Variants in ZC3H7A observed in about 807,000 individuals in gnomAD.
ZC3H7A encodes the protein zinc finger CCCH domain-containing protein 7A.
Under a neutral mutation model 125.5 loss-of-function variants are expected in ZC3H7A, and 44 were observed. That is an observed-to-expected ratio of 0.35 (90% CI 0.28 to 0.45). The LOEUF is 0.45. Ranked by LOEUF, ZC3H7A falls within the 20% of genes least tolerant of loss-of-function variation. The pLI, the probability that ZC3H7A is intolerant of heterozygous loss-of-function variation, is 1.00. For synonymous variants in ZC3H7A, 399 were observed against 391.2 expected, an observed-to-expected ratio of 1.02 and a Z score of -0.23; for missense variants, 977 against 1,170.7, an observed-to-expected ratio of 0.83 and a Z score of 2.41.
chr16:11,769,005 T>C (rs1333607543), intron 11 of ZC3H7A, 26 bp downstream of exon 11: 4 of 1,586,462 alleles, frequency 2.5e-6, no homozygotes, highest in South Asian at 1.2e-5. Flanking sequence ...AAGCGATGTA[T>C]TTACAAAAGA....
chr16:11,767,938 T>C (rs1330333910), intron 12 of ZC3H7A, among the ~76,000 whole-genome samples: 1 of 152,232 alleles, frequency 6.6e-6, no homozygotes, highest in Non-Finnish European at 1.5e-5. Context: ...TATTTAATTT[T>C]CATATACATT....
Position 11,776,806 on chromosome 16 carries a change from C to G in ZC3H7A, c.410G>C (p.Gly137Ala), listed in dbSNP as rs2053087971. ...AGCATCGTAAGCCTTTTTGTATCTT[C>G]CTAAATCACTTAAAGCCTTAGATTT... ...YRKSKALSDLGRYKKAYDAVA... is the reference protein window; with the variant it reads ...YRKSKALSDLARYKKAYDAVA... The change falls in exon 5 of 23, where the codon GGA (glycine) becomes GCA (alanine). Residue 137 changes from glycine (G) to alanine (A), a missense_variant. Coordinates refer to ENST00000355758, the MANE Select transcript of ZC3H7A (RefSeq NM_014153.4). 1 of 1,613,776 alleles carries G rather than the reference C, an allele frequency of 6.2e-7. No individual in the cohort carries two copies. The highest frequency in any genetic ancestry group is 8.5e-7 in the Non-Finnish European group (1 of 1,179,904).
intron 9 of ZC3H7A, among the ~76,000 whole-genome samples, chr16:11,772,510 TATG>T (rs1424967756): frequency 6.6e-6 from 1 of 151,780 alleles, no homozygotes; most frequent in Non-Finnish European, 1.5e-5. Context: ...AATGATGCAC[TATG>T]ATGAAGTAAC....
In ZC3H7A at chr16:11,763,562, G is replaced by A. The variant is rs1465936491; in HGVS notation, c.1918C>T (p.Arg640Trp). The change falls in exon 16 of 23, where the codon CGG becomes TGG. Residue 640 changes from arginine (R) to tryptophan (W), a missense_variant. Transcript: ENST00000355758. ...TCATCTTCCCTTAAACAGCCATACC[G>A]AACTTCATGTCGACATAAATCAAGC... ...CQLDLCRHEVRYGCLREDECF... is the reference protein window; with the variant it reads ...CQLDLCRHEVWYGCLREDECF... 2.5e-6 allele frequency: 4 copies of A among 1,611,500 alleles called. No homozygotes were observed. The highest frequency in any genetic ancestry group is 2.2e-5 in the East Asian group (1 of 44,774).
In ZC3H7A at chr16:11,765,033, A is replaced by G. The variant is rs933089382; in HGVS notation, c.1820+20T>C. The G allele has an allele frequency of 6.7e-7, 1 of 1,483,106 alleles. No homozygotes were observed. Among genetic ancestry groups the G allele is most frequent in the Non-Finnish European group, 9.2e-7 (1 of 1,089,858 alleles). The allele number at this position is 1,483,106 out of a possible 1,614,324, so 91.9% of individuals were successfully genotyped here. A position where few individuals can be genotyped will look rare whatever the true frequency, so the allele number is the denominator to read the frequency against. ...AAGAATCTATTTTGTCATTACAGAA[A>G]TTAGAAACTATCAACATACTTATTG... is the stretch of plus-strand genomic sequence containing the variant. On this transcript the variant is annotated intron_variant, in intron 15 of 22. Transcript: ENST00000355758. This position sits in a 1 kb window ranked among gnomAD's most constrained non-coding sequence, Gnocchi z 4.8.
Position 11,770,996 on chromosome 16 carries a change from GA to G in ZC3H7A, c.904-10del. 6.3e-7 allele frequency: 1 copy of G among 1,581,872 alleles called. No individual in the cohort carries two copies. Reference sequence around the variant, plus strand: ...CTGACTAAAGCTGACGGCTGCGGAAGAAAAAAAGATGTGATTAAAATTCATG... The same window carrying G: ...CTGACTAAAGCTGACGGCTGCGGAAGAAAAAAGATGTGATTAAAATTCATG... On this transcript the variant is annotated splice_polypyrimidine_tract_variant and intron_variant, in intron 9 of 22. Coordinates refer to ENST00000355758, the MANE Select transcript of ZC3H7A (RefSeq NM_014153.4).
Position 11,775,023 on chromosome 16 carries a change from A to G in ZC3H7A, c.586-10T>C, listed in dbSNP as rs769616435. 3.5e-5 allele frequency: 57 copies of G among 1,613,898 alleles called. No homozygotes were observed. The Middle Eastern group carries it at 4.9e-4, about 14-fold the overall frequency. ...CAGAATGGTTCAAAGCCTAGAAATT[A>G]AACCAAACAATGGGTTATAATATTT... is the stretch of plus-strand genomic sequence containing the variant. On this transcript the variant is annotated splice_polypyrimidine_tract_variant and intron_variant, in intron 7 of 22. Coordinates refer to ENST00000355758, the MANE Select transcript of ZC3H7A (RefSeq NM_014153.4).
At chr16:11,787,179 G>A (rs2053269030) in intron 1 of ZC3H7A, among the ~76,000 whole-genome samples, 1 of 152,096 alleles carries the variant, frequency 6.6e-6, no homozygotes, top group African/African-American at 2.4e-5. Flanking sequence ...GTACGTGCCT[G>A]TAGTCCTAGC....
At position 11,770,996 on chromosome 16, in the gene ZC3H7A, G is replaced by GA. The variant is rs776283230; in HGVS notation, c.904-10dup. The GA allele has an allele frequency of 6.3e-6, 10 of 1,581,754 alleles. No homozygotes were observed. The highest frequency in any genetic ancestry group is 2.7e-5 in the African/African-American group (2 of 73,018). On this transcript the variant is annotated splice_polypyrimidine_tract_variant and intron_variant, in intron 9 of 22. Transcript: ENST00000355758. The stretch of plus-strand genomic sequence containing the variant: ...CTGACTAAAGCTGACGGCTGCGGAA[G>GA]AAAAAAAGATGTGATTAAAATTCAT...
Position 11,776,866 on chromosome 16 carries a change from C to T in ZC3H7A, c.350G>A (p.Ser117Asn), listed in dbSNP as rs2053088485. The change falls in exon 5 of 23, where the codon AGT (serine) becomes AAT (asparagine). Residue 117 changes from serine (S) to asparagine (N), a missense_variant. Around this residue, in one of 3 missense-constraint regions of ZC3H7A, gnomAD observed 199 missense variants for 256.1 expected, o/e 0.78. Coordinates refer to ENST00000355758, the MANE Select transcript of ZC3H7A (RefSeq NM_014153.4). ...KVLEDCNIVL[S>N]LNASNCKALY... ...AGCTTTGCAGTTACTGGCATTTAAACTGAGGACTATATTGCAGTCCTCCAA... is the reference window on the plus strand; with the variant it reads ...AGCTTTGCAGTTACTGGCATTTAAATTGAGGACTATATTGCAGTCCTCCAA... 2 of 1,613,410 alleles carry T rather than the reference C, an allele frequency of 1.2e-6. No homozygotes were observed. The highest frequency in any genetic ancestry group is 2.7e-5 in the African/African-American group (2 of 74,894).
chr16:11,780,516 AAATT>A (rs1218370475), intron 3 of ZC3H7A, among the ~76,000 whole-genome samples: 5 of 152,268 alleles, frequency 3.3e-5, no homozygotes, highest in Admixed American at 6.5e-5. Flanking sequence ...TAAGCTGATT[AAATT>A]ATTTTAGCTG....
chr16:11,752,944 A>G (rs2052576904), intron 21 of ZC3H7A, 112 bp from the exon 22 acceptor site: 2 of 1,361,274 alleles, frequency 1.5e-6, no homozygotes, highest in African/African-American at 2.9e-5. Flanking sequence ...AACTCAGGTT[A>G]GAAATAGGGA....
intron 10 of ZC3H7A, 100 bp from the exon 11 acceptor site, chr16:11,769,195 C>A (rs780217100): frequency 4.8e-5 from 47 of 977,550 alleles, no homozygotes; most frequent in Non-Finnish European, 6.3e-5. Context: ...CCACGCTATT[C>A]TCCCGTCCCA....
chr16:11,769,784 C>CTTTTTTTTTTTTTGTTTTTTT (rs2052944185), intron 10 of ZC3H7A, among the ~76,000 whole-genome samples: 1 of 61,608 alleles, frequency 1.6e-5, no homozygotes, highest in Non-Finnish European at 2.6e-5. Context: ...CAATTGCTTT[C>CTTTTTTTTTTTTTGTTTTTTT]TTTTTTTTTT....
Position 11,751,320 on chromosome 16 carries a change from G to A in ZC3H7A, c.2913C>T (p.Asn971=). 6.2e-7 allele frequency: 1 copy of A among 1,611,184 alleles called. No individual in the cohort carries two copies. Among genetic ancestry groups the A allele is most frequent in the Non-Finnish European group, 8.5e-7 (1 of 1,178,872 alleles). Residue 971 remains asparagine, a synonymous_variant, in exon 23 of 23, where the codon AAC becomes AAT. Coordinates refer to ENST00000355758, the MANE Select transcript of ZC3H7A (RefSeq NM_014153.4). ...GKYSFLFKDL[N] ...ATCATACATAAAAGCCAGCATATTA[G>A]TTTAAATCTTTAAACAAAAAACTAT...
In ZC3H7A at chr16:11,764,754, A is replaced by G. The variant is rs528851452; in HGVS notation, c.1820+299T>C. 7.2e-5 allele frequency among the ~76,000 whole-genome samples: 11 copies of G among 152,164 alleles called. No individual in the cohort carries two copies. In the East Asian group the frequency reaches 2.1e-3, roughly 29 times the overall value. On this transcript the variant is annotated intron_variant, in intron 15 of 22. Transcript: ENST00000355758. ...ACAAACAAAAAAACCAAATCACTAC[A>G]TGCAATTGTTGAATTAATTGGGGGG... is the stretch of plus-strand genomic sequence containing the variant.
chr16:11,766,226 T>C (rs1316183717), intron 13 of ZC3H7A, among the ~76,000 whole-genome samples: 1 of 152,216 alleles, frequency 6.6e-6, no homozygotes, highest in East Asian at 1.9e-4. Context: ...AGTGTTTTGA[T>C]TCTGTTTAGA....
At chr16:11,758,406 G>C (rs1296353836) in intron 20 of ZC3H7A, 25 bp downstream of exon 20, 1 of 1,549,574 alleles carries the variant, frequency 6.5e-7, no homozygotes, top group Admixed American at 1.7e-5. Flanking sequence ...GCTAGCTCAA[G>C]GACACAGCTA....
chr16:11,771,102 A>C, intron 9 of ZC3H7A, 115 bp from the exon 10 acceptor site: 1 of 1,094,994 alleles, frequency 9.1e-7, no homozygotes, highest in Non-Finnish European at 1.3e-6. Flanking sequence ...ACGTTACATA[A>C]CAAAGTTTAG....
Sources: gnomAD v4.1 joint callset for allele counts (sites outside exome capture counted in the v4.1 genomes callset) on GRCh38, gnomAD v4.1.1 for gene constraint, gnomAD v4.1.1 regional missense constraint, Gnocchi (gnomAD v3.1) non-coding constraint, MANE v1.5 for transcripts, NCBI Gene and HGNC (gene_info 2026-07-23, HGNC 2026-07-21) for gene names.